The following BCL2L1 variants were observed in gnomAD, a reference collection of about 807,000 sequenced individuals.
The protein encoded by BCL2L1 is bcl-2-like protein 1.
In BCL2L1, 1 loss-of-function variant was observed where a neutral mutation model predicts 18.7. That is an observed-to-expected ratio of 0.05 (90% CI 0.02 to 0.25). The LOEUF is 0.25. Ranked by LOEUF, BCL2L1 falls within the 10% of genes least tolerant of loss-of-function variation. The pLI is 1.00. For missense variants in BCL2L1, 207 were observed against 304.9 expected (o/e 0.68, Z 2.39); for synonymous variants, 103 against 122.7 (o/e 0.84, Z 1.06).
chr20:31,683,474 TA>T (rs2122553536), intron 2 of BCL2L1, among the ~76,000 whole-genome samples: 1 of 152,194 alleles, frequency 6.6e-6, no homozygotes, highest in African/African-American at 2.4e-5. Context: ...TCTTAGAATG[TA>T]AACTTCATGA....
intron 2 of BCL2L1, among the ~76,000 whole-genome samples, chr20:31,673,068 C>CTTTTTTTT (rs906594378): frequency 1.7e-5 from 2 of 118,268 alleles, no homozygotes; most frequent in Non-Finnish European, 3.5e-5. Context: ...GGTGTCCTTG[C>CTTTTTTTT]TTTTTTTTTT....
At chr20:31,723,662 G>A, upstream of BCL2L1, 1 of 985,572 alleles carries the variant, frequency 1.0e-6, no homozygotes, top group Non-Finnish European at 1.2e-6. Flanking sequence ...AGCCCAGCCG[G>A]CACGGAAGCG....
chr20:31,683,703 A>G (rs1250238539), intron 2 of BCL2L1, among the ~76,000 whole-genome samples: 1 of 142,848 alleles, frequency 7.0e-6, no homozygotes, highest in African/African-American at 2.5e-5. Context: ...CGGGAGTCAG[A>G]GGTTGCAGTG....
intron 2 of BCL2L1, among the ~76,000 whole-genome samples, chr20:31,669,458 CTT>C (rs368877244): frequency 4.2e-5 from 6 of 141,414 alleles, no homozygotes; most frequent in Non-Finnish European, 4.6e-5. Context: ...CTAGATGTGT[CTT>C]TTTTTTTTTT....
chr20:31,692,998 G>A (rs951321484), intron 2 of BCL2L1, among the ~76,000 whole-genome samples: 2 of 150,806 alleles, frequency 1.3e-5, no homozygotes, highest in Non-Finnish European at 2.9e-5. Flanking sequence ...TTGAACCCAG[G>A]AGGCGGAGGT....
At position 31,680,358 on chromosome 20, in the gene BCL2L1, TAAGTACATGG is replaced by T. The variant is rs532719810; in HGVS notation, c.565-14282_565-14273del. Among the ~76,000 whole-genome samples, 39 of 152,300 alleles carry T rather than the reference TAAGTACATGG, an allele frequency of 2.6e-4. 1 individual carries two copies. The highest frequency in any genetic ancestry group is 2.2e-3 in the Admixed American group (34 of 15,288). On this transcript the variant is annotated intron_variant, in intron 2 of 2. Transcript: ENST00000307677. ...AGGCCTTCGAAGTCAGAGATGACTT[TAAGTACATGG>T]AAGTAGCATTCCCCCCTGGTTCCCT... is the stretch of plus-strand genomic sequence containing the variant.
intron 2 of BCL2L1, among the ~76,000 whole-genome samples, chr20:31,706,366 G>A (rs1020166906): frequency 4.6e-5 from 7 of 152,160 alleles, no homozygotes; most frequent in Non-Finnish European, 1.0e-4. Flanking sequence ...GGCACCTCAA[G>A]CCTCATAGAG....
chr20:31,670,680 T>C (rs1162615724), intron 2 of BCL2L1, among the ~76,000 whole-genome samples: 2 of 152,224 alleles, frequency 1.3e-5, no homozygotes, highest in African/African-American at 4.8e-5. Context: ...TCAGCTTCTT[T>C]TCCTGGGGAA....
chr20:31,698,280 G>A (rs950810589), intron 2 of BCL2L1, among the ~76,000 whole-genome samples: 2 of 152,016 alleles, frequency 1.3e-5, no homozygotes, highest in Non-Finnish European at 2.9e-5. Flanking sequence ...TTGCTCTGTC[G>A]CCCAGGTTGG....
At chr20:31,720,500 G>A in intron 2 of BCL2L1, 4 of 982,872 alleles carry the variant, frequency 4.1e-6, no homozygotes, top group Non-Finnish European at 4.8e-6. Context: ...TGAATTCACT[G>A]AAGAGCAAAA....
rs532396643 is a variant in BCL2L1 at position 31,691,575 on chromosome 20, G to A, written c.565-25489C>T. Among the ~76,000 whole-genome samples the A allele has an allele frequency of 4.8e-5, 7 of 146,702 alleles. No homozygotes were observed. The East Asian group carries it at 9.7e-4, about 20-fold the overall frequency. ...TAAAATAAAATAAAATAAACAGGCT[G>A]GGTGTGGTGGCGCCCGGCGAACAAA... On this transcript the variant is annotated intron_variant, in intron 2 of 2. Transcript: ENST00000307677.
chr20:31,674,170 A>C (rs1297717962), intron 2 of BCL2L1, among the ~76,000 whole-genome samples: 3 of 152,234 alleles, frequency 2.0e-5, no homozygotes, highest in Non-Finnish European at 2.9e-5. Context: ...AGACCCTGCT[A>C]TCTCTACCCA....
intron 2 of BCL2L1, among the ~76,000 whole-genome samples, chr20:31,678,439 G>A (rs1051268744): frequency 6.6e-6 from 1 of 152,154 alleles, no homozygotes; most frequent in Non-Finnish European, 1.5e-5. Context: ...CATCTCAAAG[G>A]GCTCCGTCTA....
chr20:31,723,871 A>C (rs1038454315), upstream of BCL2L1: 9 of 985,076 alleles, frequency 9.1e-6, no homozygotes, highest in Non-Finnish European at 1.1e-5. Flanking sequence ...TACCTGGCTG[A>C]CTGCTCGCGC....
At position 31,697,893 on chromosome 20, in the gene BCL2L1, T is replaced by TTTTTTTTTTGTTTGTTTGTTTGTTTG. The variant is rs1259963942; in HGVS notation, c.564+23761_564+23762insCAAACAAACAAACAAACAAAAAAAAA. 1.0e-4 allele frequency among the ~76,000 whole-genome samples: 11 copies of TTTTTTTTTTGTTTGTTTGTTTGTTTG among 108,110 alleles called. 1 individual carries two copies. Among genetic ancestry groups the TTTTTTTTTTGTTTGTTTGTTTGTTTG allele is most frequent in the African/African-American group, 5.4e-4 (11 of 20,386 alleles). The allele number at this position is 108,110 out of a possible 152,430, so 70.9% of individuals were successfully genotyped here. ...GAATCCTCAGCATGTGCTGTTGCTG[T>TTTTTTTTTTGTTTGTTTGTTTGTTTG]TTTTTTTTTTTTGAGACGGAGTCTC... On this transcript the variant is annotated intron_variant, in intron 2 of 2. Coordinates refer to ENST00000307677, the MANE Select transcript of BCL2L1 (RefSeq NM_138578.3).
chr20:31,675,014 G>T (rs756254027), intron 2 of BCL2L1, among the ~76,000 whole-genome samples: 5 of 152,140 alleles, frequency 3.3e-5, no homozygotes, highest in South Asian at 2.1e-4. Flanking sequence ...GAATGAATAA[G>T]CACTGGCTCC....
chr20:31,719,399 T>TGC (rs1335449469), intron 2 of BCL2L1, among the ~76,000 whole-genome samples: 1 of 152,132 alleles, frequency 6.6e-6, no homozygotes, highest in African/African-American at 2.4e-5. Flanking sequence ...GCCACCACAG[T>TGC]AGCCAGTCGG....
intron 2 of BCL2L1, among the ~76,000 whole-genome samples, chr20:31,690,345 C>T (rs145838569): frequency 6.6e-6 from 1 of 152,236 alleles, no homozygotes; most frequent in African/African-American, 2.4e-5. Context: ...TCCACCTCAG[C>T]CTCCCAAACT....
At chr20:31,666,868 A>C (rs2122397417) in intron 2 of BCL2L1, among the ~76,000 whole-genome samples, 1 of 152,280 alleles carries the variant, frequency 6.6e-6, no homozygotes, top group East Asian at 1.9e-4. Context: ...TCTAAGTCAG[A>C]AGGGAAGCAC....
Sources: allele counts gnomAD v4.1 joint callset (sites outside exome capture counted in the v4.1 genomes callset), GRCh38; gene constraint gnomAD v4.1.1; transcripts MANE v1.5; gene names NCBI Gene and HGNC (gene_info 2026-07-23, HGNC 2026-07-21).